The following NRG3 variants were observed in gnomAD, a reference collection of about 807,000 sequenced individuals.
NRG3 encodes pro-neuregulin-3, membrane-bound isoform.
Under a neutral mutation model 66.9 loss-of-function variants are expected in NRG3, and 31 were observed. The ratio of observed to expected loss-of-function variants is 0.46; its 90% CI spans 0.35 to 0.63. NRG3 has a LOEUF of 0.63. NRG3 is among the 20% of genes least tolerant of loss of function. The pLI, the probability that NRG3 is intolerant of heterozygous loss-of-function variation, is 0.00. For synonymous variants in NRG3, 393 were observed against 359.4 expected (o/e 1.09, Z -1.06); for missense variants, 910 against 878.9 (o/e 1.04, Z -0.45).
intron 1 of NRG3, among the ~76,000 whole-genome samples, chr10:81,969,371 CT>C (rs781718136): frequency 6.6e-6 from 1 of 152,210 alleles, no homozygotes; most frequent in Non-Finnish European, 1.5e-5. Context: ...CTTGTTCCCC[CT>C]AAAATCAATA....
chr10:81,935,568 GAACAAC>G (rs560321910), intron 1 of NRG3, among the ~76,000 whole-genome samples: 4 of 151,788 alleles, frequency 2.6e-5, no homozygotes, highest in African/African-American at 4.8e-5. Flanking sequence ...CTATTTCAGG[GAACAAC>G]AACAACAACA....
chr10:82,597,867 G>A (rs1590817737), intron 2 of NRG3, among the ~76,000 whole-genome samples: 1 of 150,516 alleles, frequency 6.6e-6, no homozygotes, highest in South Asian at 2.1e-4. Flanking sequence ...GTTGCAGTGA[G>A]CCGAGATCGC....
At chr10:81,897,657 C>T (rs1843648498) in intron 1 of NRG3, among the ~76,000 whole-genome samples, 1 of 152,088 alleles carries the variant, frequency 6.6e-6, no homozygotes, top group Non-Finnish European at 1.5e-5. Context: ...TGGCATTCTC[C>T]ATGCTTGTTA....
chr10:82,472,313 G>C (rs779432220), intron 2 of NRG3, among the ~76,000 whole-genome samples: 1 of 152,158 alleles, frequency 6.6e-6, no homozygotes, highest in Non-Finnish European at 1.5e-5. Flanking sequence ...ATACAGCAAG[G>C]AAGCCCCTTA....
intron 3 of NRG3, among the ~76,000 whole-genome samples, chr10:82,820,904 C>A (rs1311566511): frequency 6.6e-6 from 1 of 152,168 alleles, no homozygotes; most frequent in Non-Finnish European, 1.5e-5. Context: ...TCTTCCCTTG[C>A]TTTCATTCAG....
chr10:82,174,136 T>C (rs2072852479), intron 1 of NRG3, among the ~76,000 whole-genome samples: 1 of 152,084 alleles, frequency 6.6e-6, no homozygotes, highest in Non-Finnish European at 1.5e-5. Flanking sequence ...GAACTGCTTC[T>C]AAAACCAAAA....
chr10:82,786,132 T>C (rs2060352285), intron 3 of NRG3, among the ~76,000 whole-genome samples: 7 of 152,086 alleles, frequency 4.6e-5, no homozygotes, highest in Admixed American at 4.6e-4. Flanking sequence ...ACTCTCATAA[T>C]GTTTAGTGGA....
chr10:82,144,024 T>C (rs2070031705), intron 1 of NRG3, among the ~76,000 whole-genome samples: 1 of 146,852 alleles, frequency 6.8e-6, no homozygotes, highest in Non-Finnish European at 1.5e-5. Context: ...AGTGAGACTT[T>C]GTCTTAAAAA....
intron 1 of NRG3, among the ~76,000 whole-genome samples, chr10:82,268,555 T>G (rs1369241059): frequency 6.6e-6 from 1 of 152,158 alleles, no homozygotes; most frequent in Non-Finnish European, 1.5e-5. Context: ...CTTTCTTATA[T>G]ATTTTTTATC....
intron 1 of NRG3, among the ~76,000 whole-genome samples, chr10:82,085,688 G>C (rs1431281714): frequency 6.6e-6 from 1 of 151,900 alleles, no homozygotes; most frequent in Non-Finnish European, 1.5e-5. Context: ...CCAGGCTGGA[G>C]TGCAATGGTG....
intron 1 of NRG3, among the ~76,000 whole-genome samples, chr10:82,259,318 A>G (rs891277689): frequency 6.6e-6 from 1 of 152,130 alleles, no homozygotes; most frequent in Non-Finnish European, 1.5e-5. Flanking sequence ...ATACTTGTCA[A>G]ATGTTAGCAT....
At chr10:82,860,900 C>G (rs1417041402) in intron 3 of NRG3, among the ~76,000 whole-genome samples, 1 of 152,130 alleles carries the variant, frequency 6.6e-6, no homozygotes, top group Non-Finnish European at 1.5e-5. Flanking sequence ...TGATGTTTTC[C>G]TGCAGGCGTG....
intron 1 of NRG3, among the ~76,000 whole-genome samples, chr10:82,211,629 T>G (rs2133636988): frequency 6.6e-6 from 1 of 152,264 alleles, no homozygotes; most frequent in Non-Finnish European, 1.5e-5. Flanking sequence ...ATGAGGATTT[T>G]CCTGTAGTGG....
At chr10:81,978,490 AT>A (rs1048690104) in intron 1 of NRG3, among the ~76,000 whole-genome samples, 7 of 151,530 alleles carry the variant, frequency 4.6e-5, no homozygotes, top group South Asian at 2.1e-4. Flanking sequence ...AACAGGGCAA[AT>A]TTTTTTTTCT....
intron 4 of NRG3, among the ~76,000 whole-genome samples, chr10:82,916,101 T>C (rs1845805640): frequency 6.6e-6 from 1 of 152,200 alleles, no homozygotes; most frequent in Non-Finnish European, 1.5e-5. Context: ...ACTATTGATA[T>C]CTGAATAGAA....
chr10:82,510,916 A>T (rs1259106154), intron 2 of NRG3, among the ~76,000 whole-genome samples: 2 of 152,218 alleles, frequency 1.3e-5, no homozygotes, highest in African/African-American at 2.4e-5. Context: ...TCAATCTTGA[A>T]TGCCTGGCAC....
chr10:82,863,633 G>T (rs528886707), intron 3 of NRG3, among the ~76,000 whole-genome samples: 6 of 151,988 alleles, frequency 3.9e-5, no homozygotes, highest in Non-Finnish European at 8.8e-5. Context: ...TTTTTCATAT[G>T]TTTTTTGGTG....
At chr10:82,276,768 G>A (rs1189947073) in intron 1 of NRG3, among the ~76,000 whole-genome samples, 1 of 151,932 alleles carries the variant, frequency 6.6e-6, no homozygotes, top group Non-Finnish European at 1.5e-5. Flanking sequence ...GACAAAAAAT[G>A]ACATACTGAT....
At chr10:82,133,159 T>C (rs2069063008) in intron 1 of NRG3, among the ~76,000 whole-genome samples, 1 of 152,154 alleles carries the variant, frequency 6.6e-6, no homozygotes, top group South Asian at 2.1e-4. Context: ...AAGTTGTTTA[T>C]TTGAAATTTT....
Sources: allele counts gnomAD v4.1 joint callset (sites outside exome capture counted in the v4.1 genomes callset), GRCh38; gene constraint gnomAD v4.1.1; transcripts MANE v1.5; gene names NCBI Gene and HGNC (gene_info 2026-07-23, HGNC 2026-07-21).